MARCHF8: variants seen among roughly 807,000 people sequenced by gnomAD.
MARCHF8 encodes E3 ubiquitin-protein ligase MARCHF8.
In MARCHF8, 40 loss-of-function variants were observed where a neutral mutation model predicts 51.6. That is an observed-to-expected ratio of 0.77 (90% confidence interval 0.60 to 1.01). The LOEUF (loss-of-function observed/expected upper bound fraction) is 1.01. Ranked by LOEUF, MARCHF8 falls within the 50% of genes least tolerant of loss-of-function variation. The probability of loss-of-function intolerance (pLI) is 0.00; values close to 1 mark genes in which losing one functional copy is unlikely to be tolerated. For missense variants in MARCHF8, 685 were observed against 708.6 expected, an observed-to-expected ratio of 0.97 and a Z score of 0.38; for synonymous variants, 263 against 280.3, an observed-to-expected ratio of 0.94 and a Z score of 0.62.
intron 1 of MARCHF8, among the ~76,000 whole-genome samples, chr10:45,545,200 C>T (rs953009769): frequency 3.3e-5 from 5 of 152,184 alleles, no homozygotes; most frequent in African/African-American, 9.7e-5. Context: ...CCTACTCAGC[C>T]GTAAGCTCCC....
intron 3 of MARCHF8, among the ~76,000 whole-genome samples, chr10:45,476,816 A>T (rs938617917): frequency 3.9e-5 from 6 of 152,198 alleles, no homozygotes; most frequent in Admixed American, 2.6e-4. Context: ...AAAAAAATTT[A>T]AAAAAGGAAT....
At chr10:45,568,032 G>A (rs968229738) in intron 1 of MARCHF8, among the ~76,000 whole-genome samples, 2 of 152,032 alleles carry the variant, frequency 1.3e-5, no homozygotes, top group Non-Finnish European at 2.9e-5. Context: ...TTTATTTTAT[G>A]TGTGGCTTCC....
At chr10:45,555,634 C>A (rs2044243711) in intron 1 of MARCHF8, among the ~76,000 whole-genome samples, 1 of 151,204 alleles carries the variant, frequency 6.6e-6, no homozygotes, top group Non-Finnish European at 1.5e-5. Context: ...GTCCCAGCTA[C>A]TTGGGAGGCT....
chr10:45,562,873 G>C (rs1202227096), intron 1 of MARCHF8, among the ~76,000 whole-genome samples: 1 of 151,682 alleles, frequency 6.6e-6, no homozygotes, highest in East Asian at 1.9e-4. Context: ...GCATGAGGAA[G>C]GGGAGGTCAT....
intron 1 of MARCHF8, among the ~76,000 whole-genome samples, chr10:45,588,011 A>T (rs185826499): frequency 2.0e-5 from 3 of 152,272 alleles, no homozygotes; most frequent in Admixed American, 2.0e-4. Flanking sequence ...CTCATACCAA[A>T]CACCCTATCA....
chr10:45,476,705 C>T (rs1338212678), intron 3 of MARCHF8, among the ~76,000 whole-genome samples: 2 of 149,868 alleles, frequency 1.3e-5, no homozygotes, highest in Non-Finnish European at 3.0e-5. Context: ...AAATTCATTA[C>T]ATGAAATACA....
intron 2 of MARCHF8, among the ~76,000 whole-genome samples, chr10:45,519,136 A>G (rs2043666653): frequency 6.6e-6 from 1 of 152,238 alleles, no homozygotes; most frequent in Admixed American, 6.5e-5. Context: ...AAAAATTTAA[A>G]GTGCCATTCG....
At chr10:45,570,446 A>C (rs957402676) in intron 1 of MARCHF8, among the ~76,000 whole-genome samples, 2 of 152,204 alleles carry the variant, frequency 1.3e-5, no homozygotes, top group African/African-American at 4.8e-5. Flanking sequence ...TAAAAAAAAT[A>C]AAAATTTTAG....
intron 2 of MARCHF8, among the ~76,000 whole-genome samples, chr10:45,490,382 C>T (rs1253675346): frequency 6.6e-6 from 1 of 152,020 alleles, no homozygotes; most frequent in Non-Finnish European, 1.5e-5. Context: ...GATTGGTGTC[C>T]TTGTAATAAG....
intron 1 of MARCHF8, among the ~76,000 whole-genome samples, chr10:45,579,751 C>T (rs562221806): frequency 2.2e-4 from 33 of 152,054 alleles, no homozygotes; most frequent in Admixed American, 1.2e-3. Flanking sequence ...TGGTGGCTCA[C>T]GCCTATAATC....
At chr10:45,569,567 T>C (rs1029807792) in intron 1 of MARCHF8, among the ~76,000 whole-genome samples, 2 of 152,202 alleles carry the variant, frequency 1.3e-5, no homozygotes, top group African/African-American at 4.8e-5. Context: ...TTTTCTTTTT[T>C]TGATGTGTGG....
intron 1 of MARCHF8, among the ~76,000 whole-genome samples, chr10:45,560,442 C>A (rs2044297262): frequency 6.6e-6 from 1 of 152,202 alleles, no homozygotes; most frequent in South Asian, 2.1e-4. Flanking sequence ...TCATCATCCG[C>A]ACACAGGACT....
chr10:45,572,973 C>T (rs2044448554), intron 1 of MARCHF8, among the ~76,000 whole-genome samples: 1 of 152,116 alleles, frequency 6.6e-6, no homozygotes, highest in African/African-American at 2.4e-5. Flanking sequence ...CGTTCTGCGA[C>T]TGGCCCTCCC....
At chr10:45,460,799 T>C (rs1303027627) in intron 6 of MARCHF8, among the ~76,000 whole-genome samples, 1 of 152,142 alleles carries the variant, frequency 6.6e-6, no homozygotes, top group Admixed American at 6.5e-5. Context: ...ATCCAGCAAA[T>C]AGTTATCATG....
Position 45,463,197 on chromosome 10 carries a change from T to G in MARCHF8, c.1042A>C (p.Lys348Gln). The G allele has an allele frequency of 6.4e-7, 1 of 1,550,634 alleles. No homozygotes were observed. Among genetic ancestry groups the G allele is most frequent in the Admixed American group, 2.0e-5 (1 of 51,006 alleles). The change falls in exon 5 of 8, where the codon AAA becomes CAA. Residue 348 changes from lysine (K) to glutamine (Q), a missense_variant. By Grantham distance (53) the Lys-to-Gln change is moderately conservative. Coordinates refer to ENST00000453424, the MANE Select transcript of MARCHF8 (RefSeq NM_001282866.2). Reference sequence around the variant, plus strand: ...GACACGGGAGATATGGGGGGTAATTTTTCAGAGAAGGGAGAAGGACAATCC... The same window carrying G: ...GACACGGGAGATATGGGGGGTAATTGTTCAGAGAAGGGAGAAGGACAATCC... ...DLDCPSPFSE[K>Q]LPPISPVSTS...
intron 1 of MARCHF8, among the ~76,000 whole-genome samples, chr10:45,586,286 A>G (rs1234409052): frequency 6.6e-6 from 1 of 152,138 alleles, no homozygotes; most frequent in Non-Finnish European, 1.5e-5. Flanking sequence ...GTGGTTCTAG[A>G]ATTACACATC....
chr10:45,575,379 G>A (rs1055733192), intron 1 of MARCHF8, among the ~76,000 whole-genome samples: 1 of 152,034 alleles, frequency 6.6e-6, no homozygotes, highest in Non-Finnish European at 1.5e-5. Flanking sequence ...AGCCTCACAG[G>A]CCCACTCTAT....
chr10:45,461,249 C>T lies in MARCHF8; in HGVS notation c.1251G>A (p.Lys417=), dbSNP rs1842773920. 3.2e-6 allele frequency: 5 copies of T among 1,540,310 alleles called. No individual in the cohort carries two copies. In the South Asian group the frequency reaches 4.8e-5, roughly 15 times the overall value. ...CACGTACTTTTCTCAGTGGCTTCAG[C>T]TTGGTCTCCATGATGAACTCATACT... ...LCKYEFIMET[K]LKPLRKWEKL... Residue 417 remains lysine (K), a synonymous_variant, in exon 6 of 8, where the codon AAG becomes AAA. Transcript: ENST00000453424.
intron 2 of MARCHF8, among the ~76,000 whole-genome samples, chr10:45,503,342 C>G (rs2043315961): frequency 6.6e-6 from 1 of 151,970 alleles, no homozygotes; most frequent in Non-Finnish European, 1.5e-5. Context: ...TCAAGACCAT[C>G]CTGGCCAACA....
Sources: allele counts gnomAD v4.1 joint callset (sites outside exome capture counted in the v4.1 genomes callset), GRCh38; gene constraint gnomAD v4.1.1; transcripts MANE v1.5; gene names NCBI Gene and HGNC (gene_info 2026-07-23, HGNC 2026-07-21).